Variants in COL19A1 observed in about 807,000 individuals in gnomAD.
The protein encoded by COL19A1 is collagen type XIX alpha 1 chain.
A neutral mutation model predicts 190.2 loss-of-function variants in COL19A1; 159 were observed. The observed-to-expected ratio is 0.84, with a 90% CI of 0.73 to 0.95. COL19A1 has a LOEUF of 0.95. Among genes scored for constraint, COL19A1 ranks in the 40% least tolerant of loss-of-function variants. COL19A1 has a pLI of 0.00. For synonymous variants in COL19A1, 509 were observed against 458.9 expected, an observed-to-expected ratio of 1.11 and a Z score of -1.39; for missense variants, 1,418 against 1,431.9, an observed-to-expected ratio of 0.99 and a Z score of 0.16.
intron 16 of COL19A1, 72 bp downstream of exon 16, chr6:70,102,294 T>C (rs898348481): frequency 4.5e-6 from 5 of 1,113,170 alleles, no homozygotes; most frequent in Admixed American, 3.4e-5. Flanking sequence ...CTAAGGATTA[T>C]TTTACTCCCC....
At chr6:70,151,219 A>C (rs1787036387) in intron 30 of COL19A1, among the ~76,000 whole-genome samples, 178 bp from the exon 31 acceptor site, 1 of 152,210 alleles carries the variant, frequency 6.6e-6, no homozygotes, top group Non-Finnish European at 1.5e-5. Flanking sequence ...TCTGAATTCT[A>C]TCAGTGCCAT....
chr6:70,101,093 C>T (rs1212913688), intron 15 of COL19A1, among the ~76,000 whole-genome samples: 1 of 152,110 alleles, frequency 6.6e-6, no homozygotes, highest in Non-Finnish European at 1.5e-5. Context: ...CCTTTCTGTG[C>T]CTACACTTAT....
rs541755015 is a variant in COL19A1, at chr6:70,170,574, A to AT, written c.2569-1388dup. Among the ~76,000 whole-genome samples, 243 of 152,212 alleles carry AT rather than the reference A, an allele frequency of 1.6e-3. 2 individuals carry two copies. In the South Asian group the frequency reaches 0.02, roughly 12 times the overall value. ...TTATTGCTACTTTCAACAAATGTTGATTGATTGAGCACCTCTGTCTTAAGG... is the reference window on the plus strand; with the variant it reads ...TTATTGCTACTTTCAACAAATGTTGATTTGATTGAGCACCTCTGTCTTAAGG... On this transcript the variant is annotated intron_variant, in intron 40 of 50. Transcript: ENST00000620364.
At chr6:70,145,753 A>G (rs1293353379) in intron 25 of COL19A1, among the ~76,000 whole-genome samples, 3 of 126,614 alleles carry the variant, frequency 2.4e-5, no homozygotes, top group Non-Finnish European at 4.9e-5. Context: ...CAGGGTCTTA[A>G]TCTGTCACCC....
At chr6:70,125,267 A>G (rs913206489) in intron 17 of COL19A1, among the ~76,000 whole-genome samples, 33 of 152,334 alleles carry the variant, frequency 2.2e-4, no homozygotes, top group African/African-American at 7.9e-4. Flanking sequence ...GCATTGATTT[A>G]TGTGATGTCT....
chr6:70,141,812 A>G lies in COL19A1; in HGVS notation c.1483-81A>G, dbSNP rs982353830. On this transcript the variant is annotated intron_variant, in intron 20 of 50. Coordinates refer to ENST00000620364, the MANE Select transcript of COL19A1 (RefSeq NM_001858.6). Reference sequence around the variant, plus strand: ...CCCTTTTTATTGTATGTTAATTAGTAGAAATTCAATTAAAGTATCAGAGAT... The same window carrying G: ...CCCTTTTTATTGTATGTTAATTAGTGGAAATTCAATTAAAGTATCAGAGAT... The G allele has an allele frequency of 5.5e-6, 5 of 909,288 alleles. No homozygotes were observed. The African/African-American group carries it at 6.7e-5, about 12-fold the overall frequency. The allele number at this position is 909,288 out of a possible 1,614,324, so 56.3% of individuals were successfully genotyped here. A position where few individuals can be genotyped will look rare whatever the true frequency, so the allele number is the denominator to read the frequency against.
At chr6:69,989,064 T>C (rs1776461695) in intron 11 of COL19A1, among the ~76,000 whole-genome samples, 1 of 152,204 alleles carries the variant, frequency 6.6e-6, no homozygotes, top group Non-Finnish European at 1.5e-5. Context: ...CCCTTCTTTT[T>C]CAGCCCCATG....
intron 10 of COL19A1, among the ~76,000 whole-genome samples, chr6:69,960,862 ACCTCGTGATCCACCCG>A (rs1774749901): frequency 6.6e-6 from 1 of 151,594 alleles, no homozygotes; most frequent in Admixed American, 6.6e-5. Context: ...CGATCTCCTG[ACCTCGTGATCCACCCG>A]CCTCGGCCTC....
At chr6:69,959,907 A>C in intron 9 of COL19A1, 89 bp from the exon 10 acceptor site, 1 of 1,173,632 alleles carries the variant, frequency 8.5e-7, no homozygotes, top group Non-Finnish European at 1.2e-6. Context: ...TTTCCCCACA[A>C]CACTAGAGCT....
intron 1 of COL19A1, among the ~76,000 whole-genome samples, chr6:69,872,698 C>CA (rs1237547306): frequency 6.6e-6 from 1 of 152,200 alleles, no homozygotes; most frequent in Non-Finnish European, 1.5e-5. Context: ...GCTAGGCCTT[C>CA]AGCCACTTAT....
chr6:70,110,643 G>C (rs1049000789), intron 16 of COL19A1, among the ~76,000 whole-genome samples: 2 of 152,114 alleles, frequency 1.3e-5, no homozygotes, highest in African/African-American at 4.8e-5. Context: ...TGAGGCAGCT[G>C]GGGATATCAG....
intron 9 of COL19A1, among the ~76,000 whole-genome samples, chr6:69,944,766 G>A (rs3805963): frequency 0.47 from 71,923 of 151,590 alleles, 17,469 homozygotes; most frequent in East Asian, 0.72. Context: ...ACCTCTCATG[G>A]AATAATGCAG....
chr6:69,985,755 G>C (rs9454930), intron 11 of COL19A1, among the ~76,000 whole-genome samples: 32,182 of 151,896 alleles, frequency 0.21, 5,606 homozygotes, highest in African/African-American at 0.47. Flanking sequence ...AAAGTTTAGG[G>C]CATTTAAAAA....
chr6:70,005,445 A>C lies in COL19A1; in HGVS notation c.1027-18182A>C, dbSNP rs1191835764. ...GGCTGCTACGGTTTGCTCGGGGTTC[A>C]CTTCAGGCCCTATTCATCTGGTTTG... On this transcript the variant is annotated intron_variant, in intron 11 of 50. Transcript: ENST00000620364. Among the ~76,000 whole-genome samples the C allele has an allele frequency of 1.3e-5, 2 of 152,100 alleles. 1 individual carries two copies. Among genetic ancestry groups the C allele is most frequent in the East Asian group, 3.9e-4 (2 of 5,172 alleles).
chr6:70,087,963 T>C (rs1246505376), intron 15 of COL19A1, among the ~76,000 whole-genome samples: 1 of 152,178 alleles, frequency 6.6e-6, no homozygotes, highest in Non-Finnish European at 1.5e-5. Flanking sequence ...GGGGTATATT[T>C]TTCTTAGATA....
At chr6:70,128,780 C>T (rs1394643176) in intron 17 of COL19A1, among the ~76,000 whole-genome samples, 1 of 152,234 alleles carries the variant, frequency 6.6e-6, no homozygotes, top group Non-Finnish European at 1.5e-5. Context: ...AGAGAACACA[C>T]TTCCTTGTGT....
rs13204209 is a variant in COL19A1, at chr6:70,141,897, A to G, written c.1487A>G (p.Glu496Gly). ...FTKGEKGDRG[E>G]PGVIGSQGVK... ...TAGTAATTATTTTATTTACAGGGAG[A>G]ACCTGGGGTAATAGGATCACAGGGA... Residue 496 changes from glutamate (E) to glycine (G), a missense_variant, in exon 21 of 51, where the codon GAA becomes GGA. Physicochemically the swap from Glu to Gly is moderately conservative, Grantham distance 98 (BLOSUM62 -2). Transcript: ENST00000620364. 4.8e-3 allele frequency: 7,607 copies of G among 1,586,972 alleles called. 30 individuals carry two copies. The highest frequency in any genetic ancestry group is 5.3e-3 in the Middle Eastern group (32 of 5,992).
At position 69,960,985 on chromosome 6, in the gene COL19A1, A is replaced by T. The variant is rs114837681; in HGVS notation, c.981+945A>T. ...ATGGTTATCTGTGACAAGCATTACTAAAAACACAGAGACCATTATATTCCA... is the reference window on the plus strand; with the variant it reads ...ATGGTTATCTGTGACAAGCATTACTTAAAACACAGAGACCATTATATTCCA... On this transcript the variant is annotated intron_variant, in intron 10 of 50. Transcript: ENST00000620364. Among the ~76,000 whole-genome samples the T allele has an allele frequency of 8.9e-3, 1,350 of 152,256 alleles. 21 individuals carry two copies. The highest frequency in any genetic ancestry group is 0.031 in the African/African-American group (1,278 of 41,530).
chr6:69,953,037 C>T (rs1774210247), intron 9 of COL19A1, among the ~76,000 whole-genome samples: 1 of 151,856 alleles, frequency 6.6e-6, no homozygotes, highest in South Asian at 2.1e-4. Context: ...TTTTTCTGTG[C>T]TTAATTTTAG....
Sources: gnomAD v4.1 joint callset for allele counts (sites outside exome capture counted in the v4.1 genomes callset) on GRCh38, gnomAD v4.1.1 for gene constraint, MANE v1.5 for transcripts, NCBI Gene and HGNC (gene_info 2026-07-23, HGNC 2026-07-21) for gene names.